The following ABCG1 variants were observed in gnomAD, a reference collection of about 807,000 sequenced individuals.
ABCG1 encodes ATP binding cassette subfamily G member 1, also known as ATP-binding cassette sub-family G member 1.
Under a neutral mutation model 69.2 loss-of-function variants are expected in ABCG1, and 29 were observed. The observed-to-expected ratio is 0.42, with a 90% CI of 0.31 to 0.57. The LOEUF (loss-of-function observed/expected upper bound fraction) is 0.57. Among genes scored for constraint, ABCG1 ranks in the 20% least tolerant of loss-of-function variants. The pLI, the probability that ABCG1 is intolerant of heterozygous loss-of-function variation, is 0.15. For missense variants in ABCG1, 718 were observed against 898.1 expected (o/e 0.80, Z 2.56); for synonymous variants, 370 against 374.8 (o/e 0.99, Z 0.15).
rs2068956871 is a variant in ABCG1, at chr21:42,287,158, G to A, written c.974-731G>A. Among the ~76,000 whole-genome samples, 1 of 152,200 alleles carries A rather than the reference G, an allele frequency of 6.6e-6. No individual in the cohort carries two copies. Among genetic ancestry groups the A allele is most frequent in the Admixed American group, 6.5e-5 (1 of 15,288 alleles). ...GCACAGGGAGGACACAGAGGCAGGA[G>A]AGGGCAGAGGGGTTGGGAGAAAGCA... On this transcript the variant is annotated intron_variant, in intron 8 of 14. Coordinates refer to ENST00000398449, the MANE Select transcript of ABCG1 (RefSeq NM_016818.3). This position sits in a 1 kb window ranked among gnomAD's most constrained non-coding sequence, Gnocchi z 6.2.
At chr21:42,285,220 A>G (rs10788646) in intron 7 of ABCG1, among the ~76,000 whole-genome samples, 85,385 of 151,962 alleles carry the variant, frequency 0.56, 25,326 homozygotes, top group Admixed American at 0.67. Flanking sequence ...GGTTTTGGCC[A>G]GGCACAGTGG....
intron 2 of ABCG1, among the ~76,000 whole-genome samples, chr21:42,209,072 T>C (rs2067566191): frequency 6.6e-6 from 1 of 152,124 alleles, no homozygotes; most frequent in Non-Finnish European, 1.5e-5. Flanking sequence ...CTCAGAGGTC[T>C]CAGGGAGGCA....
chr21:42,208,785 G>A lies in ABCG1; in HGVS notation c.48+7062G>A, dbSNP rs183953101. Among the ~76,000 whole-genome samples, 238 of 152,272 alleles carry A rather than the reference G, an allele frequency of 1.6e-3. No homozygotes were observed. In the Middle Eastern group the frequency reaches 0.02, roughly 13 times the overall value. Reference sequence around the variant, plus strand: ...AATTTTCCCCTCCCTTTAAAAAGTAGTCATGTCTTTTTTTCTTTTTTAAAA... The same window carrying A: ...AATTTTCCCCTCCCTTTAAAAAGTAATCATGTCTTTTTTTCTTTTTTAAAA... On this transcript the variant is annotated intron_variant, in intron 2 of 15. Coordinates refer to the ABCG1 transcript ENST00000398457.
At chr21:42,232,085 G>A (rs2067909339) in intron 2 of ABCG1, among the ~76,000 whole-genome samples, 2 of 152,212 alleles carry the variant, frequency 1.3e-5, no homozygotes, top group Non-Finnish European at 2.9e-5. Context: ...CTGAGGGGTA[G>A]CACTCCTTTG....
chr21:42,225,349 C>T (rs140619059), intron 1 of ABCG1, among the ~76,000 whole-genome samples: 3 of 152,234 alleles, frequency 2.0e-5, no homozygotes, highest in Middle Eastern at 6.8e-3. Flanking sequence ...TAGATCGATG[C>T]CTATGGTGGC....
intron 2 of ABCG1, among the ~76,000 whole-genome samples, chr21:42,243,489 T>TGTGC (rs992407170): frequency 1.1e-3 from 156 of 139,858 alleles, no homozygotes; most frequent in Middle Eastern, 6.9e-3. Context: ...TGTGTGTGTG[T>TGTGC]GCGCTGGTTT....
chr21:42,253,320 C>T (rs911750969), intron 2 of ABCG1, among the ~76,000 whole-genome samples: 2 of 152,184 alleles, frequency 1.3e-5, no homozygotes, highest in East Asian at 1.9e-4. Context: ...GAGCCGGCAC[C>T]GCTGTGGGGG....
At chr21:42,269,855 G>A (rs1267511840) in intron 2 of ABCG1, among the ~76,000 whole-genome samples, 1 of 152,194 alleles carries the variant, frequency 6.6e-6, no homozygotes, top group African/African-American at 2.4e-5. Context: ...ACGGGACTGG[G>A]CCAAGGACCC....
rs1601345133 is a variant in ABCG1 at position 42,220,613 on chromosome 21, C to A, written c.42+1309C>A. Among the ~76,000 whole-genome samples, 3 of 152,386 alleles carry A rather than the reference C, an allele frequency of 2.0e-5. No individual in the cohort carries two copies. The East Asian group carries it at 5.8e-4, about 29-fold the overall frequency. On this transcript the variant is annotated intron_variant, in intron 1 of 14. Coordinates refer to ENST00000398449, the MANE Select transcript of ABCG1 (RefSeq NM_016818.3). ...GGAGGGGAGAGCCCGAGCGGGAGAC[C>A]CGCAGGCTGACTCGCCTCTCTGGGC...
intron 2 of ABCG1, among the ~76,000 whole-genome samples, chr21:42,235,890 C>T (rs1319953165): frequency 6.6e-6 from 1 of 152,214 alleles, no homozygotes; most frequent in Non-Finnish European, 1.5e-5. Context: ...GTGCCCTGGC[C>T]AAGGAGGGAG....
intron 2 of ABCG1, chr21:42,256,352 G>C: frequency 6.5e-7 from 1 of 1,550,322 alleles, no homozygotes; most frequent in Admixed American, 2.0e-5. Context: ...CCGGGACATG[G>C]TCAGGAGAGG....
At chr21:42,205,534 G>T (rs532786449) in intron 2 of ABCG1, among the ~76,000 whole-genome samples, 1 of 151,532 alleles carries the variant, frequency 6.6e-6, no homozygotes, top group East Asian at 1.9e-4. Flanking sequence ...GGAGGCGGAG[G>T]TTATGGTGAG....
chr21:42,292,235 C>A (rs575969770), intron 13 of ABCG1, among the ~76,000 whole-genome samples: 1 of 152,102 alleles, frequency 6.6e-6, no homozygotes, highest in Admixed American at 6.5e-5. Flanking sequence ...TGGGAACACC[C>A]GAGGGCCCCA....
intron 2 of ABCG1, among the ~76,000 whole-genome samples, chr21:42,209,296 G>C (rs2067567889): frequency 1.3e-5 from 2 of 152,222 alleles, no homozygotes; most frequent in African/African-American, 4.8e-5. Context: ...TGAGGGTCCA[G>C]CGATGGCACC....
chr21:42,206,861 T>C (rs751412475), intron 2 of ABCG1: 1 of 151,304 alleles, frequency 6.6e-6, no homozygotes, highest in Non-Finnish European at 1.5e-5. Context: ...TATCTTGATT[T>C]CTGGGTGGCC....
chr21:42,290,173 A>G lies in ABCG1; in HGVS notation c.1348A>G (p.Met450Val), dbSNP rs2069029230. ...CAACTCCGGCTTCCTCTTCTTCTCC[A>G]TGCTGTTCCTCATGTTCGCGGCCCT... ...LSNSGFLFFS[M>V]LFLMFAALMP... Residue 450 changes from methionine to valine, a missense_variant, in exon 11 of 15, where the codon ATG (methionine) becomes GTG (valine). Transcript: ENST00000398449. 1.2e-6 allele frequency: 2 copies of G among 1,613,996 alleles called. No homozygotes were observed. The highest frequency in any genetic ancestry group is 1.7e-5 in the Admixed American group (1 of 59,990).
chr21:42,267,255 T>G (rs1287690317), intron 2 of ABCG1, among the ~76,000 whole-genome samples: 2 of 152,204 alleles, frequency 1.3e-5, no homozygotes, highest in East Asian at 3.8e-4. Flanking sequence ...GTTTAGTGTC[T>G]GGTCTGAGGC....
At chr21:42,290,267 C>T (rs892902640) in intron 11 of ABCG1, 49 bp downstream of exon 11, 1 of 1,585,528 alleles carries the variant, frequency 6.3e-7, no homozygotes, top group Middle Eastern at 1.7e-4. Context: ...AATTCCTACC[C>T]AAGCATGGGG....
intron 5 of ABCG1, among the ~76,000 whole-genome samples, 195 bp downstream of exon 5, chr21:42,277,140 T>C (rs910096542): frequency 6.6e-6 from 1 of 152,200 alleles, no homozygotes; most frequent in Non-Finnish European, 1.5e-5. Flanking sequence ...AAGGCAGATC[T>C]GGTGCACACG....
Sources: gnomAD v4.1 joint callset for allele counts (sites outside exome capture counted in the v4.1 genomes callset) on GRCh38, gnomAD v4.1.1 for gene constraint, Gnocchi (gnomAD v3.1) non-coding constraint, MANE v1.5 for transcripts, NCBI Gene and HGNC (gene_info 2026-07-23, HGNC 2026-07-21) for gene names.